Variants in CHERP observed in about 807,000 individuals in gnomAD.
CHERP encodes the protein ERPROT 213-21.
Under a neutral mutation model 113.8 loss-of-function variants are expected in CHERP, and 8 were observed. That is an observed-to-expected ratio of 0.07 (90% confidence interval 0.04 to 0.13). The LOEUF (loss-of-function observed/expected upper bound fraction) is 0.13. Ranked by LOEUF, CHERP falls within the 10% of genes least tolerant of loss-of-function variation. The pLI is 1.00. For missense variants in CHERP, 884 were observed against 1,298.2 expected (o/e 0.68, Z 4.90); for synonymous variants, 559 against 524.5 (o/e 1.07, Z -0.90).
At chr19:16,522,551 G>A (rs1023115706) in intron 11 of CHERP, among the ~76,000 whole-genome samples, 4 of 152,094 alleles carry the variant, frequency 2.6e-5, no homozygotes, top group African/African-American at 9.7e-5. Context: ...GAGCCACTAC[G>A]CCTGGCCAGA....
At chr19:16,531,390 G>A (rs906771066) in intron 5 of CHERP, among the ~76,000 whole-genome samples, 12 of 152,190 alleles carry the variant, frequency 7.9e-5, no homozygotes, top group African/African-American at 2.9e-4. Flanking sequence ...ATGCCCAGCG[G>A]GGGGAGGCGC....
Position 16,520,251 on chromosome 19 carries a change from G to A in CHERP, c.2360C>T (p.Ser787Leu). Residue 787 changes from serine to leucine, a missense_variant, in exon 15 of 17, where the codon TCG becomes TTG. Around this residue, in one of 8 missense-constraint regions of CHERP, gnomAD observed 159 missense variants for 185.8 expected, o/e 0.86. Transcript: ENST00000546361. The surrounding 1 kb of genome is among the most constrained non-coding windows in gnomAD (Gnocchi z 4.0). The stretch of plus-strand genomic sequence containing the variant: ...CCGGGAGCGGCTTCTGGAGGAGCGC[G>A]ACCTGCTCCGACTTCTGCAGGGAAG... ...SRSRSRSRSR[S>L]RSSRSRSRSQ... 1.9e-6 allele frequency: 3 copies of A among 1,613,346 alleles called. No homozygotes were observed. Among genetic ancestry groups the A allele is most frequent in the Non-Finnish European group, 8.5e-7 (1 of 1,179,994 alleles).
In CHERP at chr19:16,535,204, G is replaced by T. The variant is rs2085732838; in HGVS notation, c.384+248C>A. Among the ~76,000 whole-genome samples, 1 of 152,256 alleles carries T rather than the reference G, an allele frequency of 6.6e-6. No homozygotes were observed. The highest frequency in any genetic ancestry group is 1.5e-5 in the Non-Finnish European group (1 of 68,032). On this transcript the variant is annotated intron_variant, in intron 3 of 16. Coordinates refer to ENST00000546361, the MANE Select transcript of CHERP (RefSeq NM_006387.6). The surrounding 1 kb of genome is among the most constrained non-coding windows in gnomAD (Gnocchi z 4.3). Reference sequence around the variant, plus strand: ...CTTCAAGGTGCATACGTGCCCCACAGTCCCACTCAGGGGGGTCCACCCCAG... The same window carrying T: ...CTTCAAGGTGCATACGTGCCCCACATTCCCACTCAGGGGGGTCCACCCCAG...
intron 8 of CHERP, among the ~76,000 whole-genome samples, chr19:16,528,932 G>T (rs185259436): frequency 6.6e-6 from 1 of 152,092 alleles, no homozygotes; most frequent in Non-Finnish European, 1.5e-5. Context: ...CAGCCTGGGC[G>T]ACAGAGCAAG....
rs1192580165 is a variant in CHERP, at chr19:16,541,892, C to T, written c.177G>A (p.Lys59=). The T allele has an allele frequency of 3.1e-6, 5 of 1,613,008 alleles. No individual in the cohort carries two copies. The African/African-American group carries it at 5.3e-5, about 17-fold the overall frequency. The change falls in exon 2 of 17, where the codon AAG becomes AAA. Residue 59 remains lysine (K), a synonymous_variant. Coordinates refer to ENST00000546361, the MANE Select transcript of CHERP (RefSeq NM_006387.6). The stretch of plus-strand genomic sequence containing the variant: ...CACGCTGCTGCTGCTCCAGCGCCAG[C>T]TTGCACTTGTAGTAACTGTAGAATT... The part of the protein sequence containing the change: ...GGEFYSYYKC[K]LALEQQQLIC...
chr19:16,540,604 C>G (rs895114063), intron 2 of CHERP, among the ~76,000 whole-genome samples: 2 of 151,382 alleles, frequency 1.3e-5, no homozygotes, highest in South Asian at 4.2e-4. Context: ...GACTCCTAAC[C>G]TCAAGTGATC....
intron 2 of CHERP, among the ~76,000 whole-genome samples, chr19:16,539,298 C>A (rs933923084): frequency 6.6e-6 from 1 of 152,002 alleles, no homozygotes; most frequent in African/African-American, 2.4e-5. Flanking sequence ...CAGGCGCCCG[C>A]TACCACGCCT....
intron 2 of CHERP, among the ~76,000 whole-genome samples, chr19:16,538,225 C>T (rs1027448018): frequency 3.9e-4 from 59 of 152,212 alleles, no homozygotes; most frequent in African/African-American, 1.4e-3. Context: ...CCACCTCTGG[C>T]CACTCCAAGA....
Position 16,520,867 on chromosome 19 carries a change from T to C in CHERP, c.2160A>G (p.Lys720=), listed in dbSNP as rs1457227701. The C allele has an allele frequency of 6.2e-7, 1 of 1,613,862 alleles. No homozygotes were observed. The highest frequency in any genetic ancestry group is 8.5e-7 in the Non-Finnish European group (1 of 1,180,060). ...QNGLYEFFRA[K]MRARRRKGQE... is the part of the protein sequence containing the mutation. ...GGCCTTTCCTCCGCCGGGCCCGCATTTTTGCTCGGAAGAACTCATAGAGGC... is the reference window on the plus strand; with the variant it reads ...GGCCTTTCCTCCGCCGGGCCCGCATCTTTGCTCGGAAGAACTCATAGAGGC... Residue 720 remains lysine, a synonymous_variant, in exon 13 of 17, where the codon AAA becomes AAG. Coordinates refer to ENST00000546361, the MANE Select transcript of CHERP (RefSeq NM_006387.6). The surrounding 1 kb of genome is among the most constrained non-coding windows in gnomAD (Gnocchi z 4.0).
In CHERP at chr19:16,526,455, T is replaced by G. The variant is rs191383560; in HGVS notation, c.1306-778A>C. 3.8e-3 allele frequency among the ~76,000 whole-genome samples: 583 copies of G among 152,304 alleles called. 1 individual carries two copies. Among genetic ancestry groups the G allele is most frequent in the Non-Finnish European group, 6.3e-3 (431 of 68,024 alleles). ...AAGCCAGAGAGCCAGATATTAAATA[T>G]CAGGAACTACTTGTTTTTCTTTTTC... is the stretch of plus-strand genomic sequence containing the variant. On this transcript the variant is annotated intron_variant, in intron 9 of 16. Coordinates refer to ENST00000546361, the MANE Select transcript of CHERP (RefSeq NM_006387.6).
At position 16,525,770 on chromosome 19, in the gene CHERP, A is replaced by T; in HGVS notation, c.1306-93T>A. The T allele has an allele frequency of 8.2e-7, 1 of 1,221,138 alleles. No homozygotes were observed. The highest frequency in any genetic ancestry group is 1.1e-6 in the Non-Finnish European group (1 of 917,708). 75.6% of individuals were successfully genotyped at this position (1,221,138 alleles called of 1,614,324 possible). A position where few individuals can be genotyped will look rare whatever the true frequency, so the allele number is the denominator to read the frequency against. ...CTCGGCAGCATCACAGCGCTGGCTCAGACCATGGAGGCGCTGCCCTGGCCA... is the reference window on the plus strand; with the variant it reads ...CTCGGCAGCATCACAGCGCTGGCTCTGACCATGGAGGCGCTGCCCTGGCCA... On this transcript the variant is annotated intron_variant, in intron 9 of 16. Coordinates refer to ENST00000546361, the MANE Select transcript of CHERP (RefSeq NM_006387.6). This position sits in a 1 kb window ranked among gnomAD's most constrained non-coding sequence, Gnocchi z 6.5.
rs1043481 is a variant in CHERP, at chr19:16,523,139, T to A, written c.1893A>T (p.Pro631=). The A allele has an allele frequency of 6.4e-7, 1 of 1,553,632 alleles. No individual in the cohort carries two copies. Among genetic ancestry groups the A allele is most frequent in the Non-Finnish European group, 8.7e-7 (1 of 1,152,166 alleles). Residue 631 remains proline, a synonymous_variant, in exon 11 of 17, where the codon CCA becomes CCT. Coordinates refer to ENST00000546361, the MANE Select transcript of CHERP (RefSeq NM_006387.6). This position sits in a 1 kb window ranked among gnomAD's most constrained non-coding sequence, Gnocchi z 4.0. ...GQPPHMRRQG[P]PHINHDDPSL... ...TGGGGTCATCGTGGTTGATGTGGGG[T>A]GGGCCCTGTCGCCGCATGTGTGGGG...
intron 2 of CHERP, among the ~76,000 whole-genome samples, chr19:16,541,046 G>A (rs987687904): frequency 2.0e-5 from 3 of 151,980 alleles, no homozygotes; most frequent in Non-Finnish European, 4.4e-5. Flanking sequence ...TGTATTAAGG[G>A]ACAATGACCT....
rs1432956600 is a variant in CHERP at position 16,520,137 on chromosome 19, A to G, written c.2462+12T>C. On this transcript the variant is annotated intron_variant, in intron 15 of 16. Coordinates refer to ENST00000546361, the MANE Select transcript of CHERP (RefSeq NM_006387.6). The surrounding 1 kb of genome is among the most constrained non-coding windows in gnomAD (Gnocchi z 4.0). ...CAGAGTTACCAGCGCAGCACTTAAG[A>G]CAGGATCTTACGGCGGGGTGGGGCT... 2.5e-6 allele frequency: 4 copies of G among 1,611,224 alleles called. No individual in the cohort carries two copies. The highest frequency in any genetic ancestry group is 3.4e-6 in the Non-Finnish European group (4 of 1,178,736).
chr19:16,520,139 AG>A lies in CHERP; in HGVS notation c.2462+9del. 1 of 1,611,330 alleles carries A rather than the reference AG, an allele frequency of 6.2e-7. No individual in the cohort carries two copies. The highest frequency in any genetic ancestry group is 1.1e-5 in the South Asian group (1 of 91,008). On this transcript the variant is annotated intron_variant, in intron 15 of 16. Transcript: ENST00000546361. This position sits in a 1 kb window ranked among gnomAD's most constrained non-coding sequence, Gnocchi z 4.0. ...GAGTTACCAGCGCAGCACTTAAGAC[AG>A]GATCTTACGGCGGGGTGGGGCTCCT...
At position 16,525,202 on chromosome 19, in the gene CHERP, A is replaced by G; in HGVS notation, c.1741+40T>C. ...AGCCTGCTCGGCAGGCGAGCCGTGG[A>G]TGCCTCCGCCAGGCCCTACCCAGGC... is the stretch of plus-strand genomic sequence containing the variant. On this transcript the variant is annotated intron_variant, in intron 10 of 16. Coordinates refer to ENST00000546361, the MANE Select transcript of CHERP (RefSeq NM_006387.6). The surrounding 1 kb of genome is among the most constrained non-coding windows in gnomAD (Gnocchi z 6.5). 4 of 1,391,452 alleles carry G rather than the reference A, an allele frequency of 2.9e-6. No individual in the cohort carries two copies. Among genetic ancestry groups the G allele is most frequent in the South Asian group, 3.5e-5 (2 of 57,220 alleles). 86.2% of individuals were successfully genotyped at this position (1,391,452 alleles called of 1,614,324 possible).
Position 16,530,998 on chromosome 19 carries a change from C to G in CHERP, c.675-118G>C. The G allele has an allele frequency of 6.8e-7, 1 of 1,477,442 alleles. No individual in the cohort carries two copies. The highest frequency in any genetic ancestry group is 2.2e-5 in the Admixed American group (1 of 46,426). The allele number at this position is 1,477,442 out of a possible 1,614,324, so 91.5% of individuals were successfully genotyped here. A position where few individuals can be genotyped will look rare whatever the true frequency, so the allele number is the denominator to read the frequency against. On this transcript the variant is annotated intron_variant, in intron 5 of 16. Coordinates refer to ENST00000546361, the MANE Select transcript of CHERP (RefSeq NM_006387.6). This position sits in a 1 kb window ranked among gnomAD's most constrained non-coding sequence, Gnocchi z 4.1. ...GCCTTCTCGGGAATCGGGTCCCCAACCCGGTCAGGGCGATGGCTGGGCTCC... is the reference window on the plus strand; with the variant it reads ...GCCTTCTCGGGAATCGGGTCCCCAAGCCGGTCAGGGCGATGGCTGGGCTCC...
intron 5 of CHERP, among the ~76,000 whole-genome samples, chr19:16,531,409 T>C (rs1247184037): frequency 6.6e-6 from 1 of 151,994 alleles, no homozygotes; most frequent in African/African-American, 2.4e-5. Context: ...GCCGGGCCCA[T>C]GTCCTCTCAG....
chr19:16,531,654 G>A (rs117089928), intron 5 of CHERP, among the ~76,000 whole-genome samples: 1,918 of 152,362 alleles, frequency 0.013, 34 homozygotes, highest in Non-Finnish European at 0.017. Flanking sequence ...TGGAGAATGC[G>A]GGAAACTGTG....
Sources: gnomAD v4.1 joint callset for allele counts (sites outside exome capture counted in the v4.1 genomes callset) on GRCh38, gnomAD v4.1.1 for gene constraint, gnomAD v4.1.1 regional missense constraint, Gnocchi (gnomAD v3.1) non-coding constraint, MANE v1.5 for transcripts, NCBI Gene and HGNC (gene_info 2026-07-23, HGNC 2026-07-21) for gene names.